Variants in GTF2E2 observed in about 807,000 individuals in gnomAD.
GTF2E2 encodes the protein transcription initiation factor IIE subunit beta.
A neutral mutation model predicts 40.5 loss-of-function variants in GTF2E2; 21 were observed. The ratio of observed to expected loss-of-function variants is 0.52; its 90% CI spans 0.37 to 0.75. The LOEUF is 0.75. GTF2E2 is among the 30% of genes least tolerant of loss of function. The pLI is 0.00. For missense variants in GTF2E2, 298 were observed against 338.4 expected (o/e 0.88, Z 0.94); for synonymous variants, 117 against 121.6 (o/e 0.96, Z 0.25).
At chr8:30,589,722 C>CA (rs1828787720) in intron 6 of GTF2E2, among the ~76,000 whole-genome samples, 1 of 152,126 alleles carries the variant, frequency 6.6e-6, no homozygotes, top group African/African-American at 2.4e-5. Flanking sequence ...ATCGTCTGCC[C>CA]AAATCTGTGC....
At chr8:30,611,571 C>T (rs986564395) in intron 5 of GTF2E2, among the ~76,000 whole-genome samples, 3 of 151,968 alleles carry the variant, frequency 2.0e-5, no homozygotes, top group Non-Finnish European at 4.4e-5. Flanking sequence ...CTGGGCTTAA[C>T]AAGTTGGAAG....
intron 3 of GTF2E2, among the ~76,000 whole-genome samples, chr8:30,628,301 AC>A (rs1348648548): frequency 6.6e-6 from 1 of 152,228 alleles, no homozygotes; most frequent in Non-Finnish European, 1.5e-5. Context: ...TATACTACTG[AC>A]TTGCACAAGA....
intron 2 of GTF2E2, among the ~76,000 whole-genome samples, chr8:30,636,109 A>G (rs1316409589): frequency 6.6e-6 from 1 of 152,202 alleles, no homozygotes; most frequent in Non-Finnish European, 1.5e-5. Context: ...GTTTCAAAAT[A>G]TCTATCATTT....
intron 6 of GTF2E2, among the ~76,000 whole-genome samples, chr8:30,589,683 T>C (rs558223181): frequency 6.6e-6 from 1 of 152,384 alleles, no homozygotes; most frequent in East Asian, 1.9e-4. Flanking sequence ...CAGTATGACC[T>C]GCTATCTGGA....
At position 30,612,736 on chromosome 8, in the gene GTF2E2, G is replaced by A. The variant is rs567621530; in HGVS notation, c.367-255C>T. ...GAATTTTTGTATTTTTAGTAGAGAC[G>A]GGGTTTCACCACATTGGCCAGGCTG... On this transcript the variant is annotated intron_variant, in intron 4 of 7. Transcript: ENST00000355904. Among the ~76,000 whole-genome samples the A allele has an allele frequency of 5.5e-3, 831 of 152,096 alleles. 4 individuals are homozygous for A. The highest frequency in any genetic ancestry group is 0.014 in the Middle Eastern group (4 of 294).
At chr8:30,586,298 AC>A (rs1828681488) in intron 6 of GTF2E2, among the ~76,000 whole-genome samples, 1 of 152,164 alleles carries the variant, frequency 6.6e-6, no homozygotes, top group Admixed American at 6.5e-5. Flanking sequence ...CTTGTGTGCT[AC>A]ACAGAAAAAT....
chr8:30,648,149 A>C (rs1442635126), intron 2 of GTF2E2, among the ~76,000 whole-genome samples: 1 of 152,246 alleles, frequency 6.6e-6, no homozygotes, highest in Non-Finnish European at 1.5e-5. Context: ...GGAAGAAGAA[A>C]TAATACGAAT....
intron 3 of GTF2E2, among the ~76,000 whole-genome samples, chr8:30,625,674 C>T (rs1309859316): frequency 6.6e-6 from 1 of 152,182 alleles, no homozygotes; most frequent in African/African-American, 2.4e-5. Context: ...TCTCGGCTCA[C>T]TGCAACCTCC....
intron 1 of GTF2E2, among the ~76,000 whole-genome samples, chr8:30,656,452 T>C (rs935146070): frequency 6.6e-6 from 1 of 152,074 alleles, no homozygotes; most frequent in African/African-American, 2.4e-5. Flanking sequence ...CAGGAAACAT[T>C]TGTGTCTTAT....
intron 2 of GTF2E2, among the ~76,000 whole-genome samples, chr8:30,642,982 T>C (rs1801904778): frequency 6.6e-6 from 1 of 152,196 alleles, no homozygotes; most frequent in South Asian, 2.1e-4. Context: ...GGAGTTTCAC[T>C]CTTGTTGCCC....
intron 2 of GTF2E2, among the ~76,000 whole-genome samples, chr8:30,646,256 A>G (rs527891485): frequency 6.6e-6 from 1 of 152,286 alleles, no homozygotes; most frequent in East Asian, 1.9e-4. Flanking sequence ...AAAACTTACT[A>G]CTACACCCCT....
chr8:30,585,736 G>A (rs1258000278), intron 6 of GTF2E2, among the ~76,000 whole-genome samples: 1 of 132,832 alleles, frequency 7.5e-6, no homozygotes, highest in East Asian at 2.5e-4. Flanking sequence ...AGGCTATGGT[G>A]TTCTAGTGTT....
Position 30,611,585 on chromosome 8 carries a change from A to G in GTF2E2, c.549+714T>C, listed in dbSNP as rs566587154. The stretch of plus-strand genomic sequence containing the variant: ...ACTGGGCTTAACAAGTTGGAAGTGA[A>G]GAAGAAAAGTGAGTGAACTTGACAA... On this transcript the variant is annotated intron_variant, in intron 5 of 7. Transcript: ENST00000355904. 2.1e-3 allele frequency among the ~76,000 whole-genome samples: 313 copies of G among 152,346 alleles called. 2 individuals are homozygous for G. Among genetic ancestry groups the G allele is most frequent in the African/African-American group, 7.2e-3 (301 of 41,586 alleles).
chr8:30,583,992 G>A (rs1828596761), intron 6 of GTF2E2, among the ~76,000 whole-genome samples: 2 of 148,206 alleles, frequency 1.3e-5, no homozygotes, highest in African/African-American at 2.6e-5. Context: ...TTTTTTAGTA[G>A]AGACAGGGTT....
chr8:30,588,818 C>T (rs1828755795), intron 6 of GTF2E2, among the ~76,000 whole-genome samples: 1 of 152,094 alleles, frequency 6.6e-6, no homozygotes, highest in South Asian at 2.1e-4. Context: ...GAAGTGCAGC[C>T]CTTTTTACCC....
chr8:30,608,984 C>T (rs1386572676), intron 5 of GTF2E2, among the ~76,000 whole-genome samples: 1 of 152,116 alleles, frequency 6.6e-6, no homozygotes, highest in Non-Finnish European at 1.5e-5. Flanking sequence ...CTCCTGACCT[C>T]GTGATCCACC....
intron 2 of GTF2E2, among the ~76,000 whole-genome samples, chr8:30,637,510 TTTTATTTTA>T (rs1801645469): frequency 7.4e-5 from 1 of 13,498 alleles, no homozygotes; most frequent in African/African-American, 2.2e-4. Flanking sequence ...TCATCTATAA[TTTTATTTTA>T]TTTATTTTAT....
chr8:30,599,536 GC>G (rs1170965659), intron 6 of GTF2E2, among the ~76,000 whole-genome samples: 1 of 147,296 alleles, frequency 6.8e-6, no homozygotes, highest in Non-Finnish European at 1.5e-5. Flanking sequence ...CCGAGACTGT[GC>G]CATTGCACTC....
In GTF2E2 at chr8:30,658,155, C is replaced by T. The variant is rs1461576581; in HGVS notation, c.-187G>A. ...TCACCACTGGCGGTGGCGGCGGCGG[C>T]GGCGGCAGCGGCGGTAGCTGAGGCG... On this transcript the variant is annotated 5_prime_UTR_variant, in exon 1 of 8. Coordinates refer to ENST00000355904, the MANE Select transcript of GTF2E2 (RefSeq NM_002095.6). 1 of 194,830 alleles carries T rather than the reference C, an allele frequency of 5.1e-6. No individual in the cohort carries two copies. Among genetic ancestry groups the T allele is most frequent in the Non-Finnish European group, 1.0e-5 (1 of 96,254 alleles). The allele number at this position is 194,830 out of a possible 1,614,324, so 12.1% of individuals were successfully genotyped here. A position where few individuals can be genotyped will look rare whatever the true frequency, so the allele number is the denominator to read the frequency against.
Sources: gnomAD v4.1 joint callset for allele counts (sites outside exome capture counted in the v4.1 genomes callset) on GRCh38, gnomAD v4.1.1 for gene constraint, MANE v1.5 for transcripts, NCBI Gene and HGNC (gene_info 2026-07-23, HGNC 2026-07-21) for gene names.